TNFAIP6: variants seen among roughly 807,000 people sequenced by gnomAD.
The protein encoded by TNFAIP6 is TNF alpha induced protein 6.
Under a neutral mutation model 33.7 loss-of-function variants are expected in TNFAIP6, and 36 were observed. That is an observed-to-expected ratio of 1.07 (90% CI 0.82 to 1.41). The LOEUF is 1.41. Among genes scored for constraint, TNFAIP6 ranks in the 40% most tolerant of loss-of-function variants. The pLI, the probability that TNFAIP6 is intolerant of heterozygous loss-of-function variation, is 0.00. For synonymous variants in TNFAIP6, 113 were observed against 112.8 expected (o/e 1.00, Z -0.01); for missense variants, 273 against 331.9 (o/e 0.82, Z 1.38).
chr2:151,370,099 C>G lies in TNFAIP6; in HGVS notation c.474C>G (p.Asn158Lys). 6.2e-7 allele frequency: 1 copy of G among 1,613,976 alleles called. No homozygotes were observed. The highest frequency in any genetic ancestry group is 8.5e-7 in the Non-Finnish European group (1 of 1,179,998). ...GCTTCCCAAATGAGTACGAAGATAA[C>G]CAAATCTGCTACTGGCACATTAGAC... is the stretch of plus-strand genomic sequence containing the variant. ...SPGFPNEYED[N>K]QICYWHIRLK... Residue 158 changes from asparagine (N) to lysine (K), a missense_variant, in exon 4 of 6, where the codon AAC (asparagine) becomes AAG (lysine). By Grantham distance (94) the Asn-to-Lys change is moderately conservative. Transcript: ENST00000243347.
downstream of TNFAIP6, among the ~76,000 whole-genome samples, chr2:151,380,641 A>T (rs1193999212): frequency 1.3e-5 from 2 of 152,224 alleles, no homozygotes; most frequent in Admixed American, 1.3e-4. Flanking sequence ...CAGAAAACAA[A>T]AAGCAGACTG....
intron 5 of TNFAIP6, among the ~76,000 whole-genome samples, chr2:151,378,864 G>A (rs1201325105): frequency 2.0e-5 from 3 of 151,832 alleles, no homozygotes; most frequent in African/African-American, 4.8e-5. Context: ...TGGGAAGGCC[G>A]AGGTGCGTGG....
At chr2:151,374,538 A>G (rs1448302732) in intron 5 of TNFAIP6, among the ~76,000 whole-genome samples, 2 of 152,200 alleles carry the variant, frequency 1.3e-5, no homozygotes, top group Non-Finnish European at 2.9e-5. Flanking sequence ...AGATACTACT[A>G]GTTAACTTAC....
At chr2:151,377,547 T>A (rs1684936814) in intron 5 of TNFAIP6, among the ~76,000 whole-genome samples, 1 of 152,156 alleles carries the variant, frequency 6.6e-6, no homozygotes, top group African/African-American at 2.4e-5. Flanking sequence ...ATTTACATTT[T>A]AACCAGCTGA....
intron 5 of TNFAIP6, among the ~76,000 whole-genome samples, chr2:151,374,453 A>G (rs570755176): frequency 1.1e-4 from 17 of 152,308 alleles, no homozygotes; most frequent in Non-Finnish European, 1.6e-4. Flanking sequence ...ATTTTCTCCC[A>G]AGTCATAAAA....
intron 2 of TNFAIP6, 37 bp downstream of exon 2, chr2:151,364,117 C>G (rs1684674109): frequency 1.2e-6 from 2 of 1,602,674 alleles, no homozygotes; most frequent in Non-Finnish European, 8.5e-7. Flanking sequence ...TCTTTTTTAT[C>G]CTTGGAGGAA....
intron 3 of TNFAIP6, among the ~76,000 whole-genome samples, chr2:151,368,135 A>G (rs1195319715): frequency 6.6e-6 from 1 of 151,914 alleles, no homozygotes; most frequent in Non-Finnish European, 1.5e-5. Flanking sequence ...CATACAAACT[A>G]TGTGTTGTAT....
chr2:151,379,129 A>G (rs1272333477), intron 5 of TNFAIP6, among the ~76,000 whole-genome samples: 2 of 152,100 alleles, frequency 1.3e-5, no homozygotes, highest in Non-Finnish European at 2.9e-5. Flanking sequence ...AATACAATAG[A>G]CAAAATTTCC....
At chr2:151,373,238 C>G (rs916461211) in intron 4 of TNFAIP6, among the ~76,000 whole-genome samples, 7 of 152,066 alleles carry the variant, frequency 4.6e-5, no homozygotes, top group African/African-American at 1.7e-4. Context: ...TCGCTTGAAC[C>G]CAGGAGGAAG....
intron 5 of TNFAIP6, among the ~76,000 whole-genome samples, chr2:151,375,875 G>A (rs1353404762): frequency 6.6e-6 from 1 of 152,222 alleles, no homozygotes; most frequent in African/African-American, 2.4e-5. Context: ...CACTTTGGGA[G>A]GCCAAGGTGA....
chr2:151,372,987 G>T (rs923678716), intron 4 of TNFAIP6, among the ~76,000 whole-genome samples: 2 of 152,032 alleles, frequency 1.3e-5, no homozygotes, highest in African/African-American at 4.8e-5. Context: ...AAATTTTCTA[G>T]TTACACAAAG....
intron 5 of TNFAIP6, among the ~76,000 whole-genome samples, chr2:151,377,128 C>A (rs553033177): frequency 2.0e-5 from 3 of 151,718 alleles, no homozygotes; most frequent in African/African-American, 7.3e-5. Context: ...CATAAACCAC[C>A]TTGCCTGGCT....
chr2:151,375,595 C>A (rs774806708), intron 5 of TNFAIP6, among the ~76,000 whole-genome samples: 2 of 152,016 alleles, frequency 1.3e-5, no homozygotes, highest in African/African-American at 4.8e-5. Flanking sequence ...GTAGTCCCAG[C>A]CACTTGGGAG....
intron 2 of TNFAIP6, among the ~76,000 whole-genome samples, chr2:151,365,031 G>A (rs1040931202): frequency 6.6e-6 from 1 of 152,144 alleles, no homozygotes; most frequent in African/African-American, 2.4e-5. Context: ...AAATGTATGA[G>A]AGAATTTATC....
intron 2 of TNFAIP6, among the ~76,000 whole-genome samples, chr2:151,365,230 C>G (rs1237206158): frequency 2.0e-5 from 3 of 152,100 alleles, no homozygotes; most frequent in African/African-American, 7.2e-5. Flanking sequence ...GTGGTCACAG[C>G]TACTCTAAAG....
At chr2:151,373,686 T>G (rs1239384178) in intron 5 of TNFAIP6, 97 bp downstream of exon 5, 3 of 632,850 alleles carry the variant, frequency 4.7e-6, no homozygotes, top group Non-Finnish European at 5.0e-6. Flanking sequence ...GTAGTTATTA[T>G]TCACTTTTTA....
Position 151,379,509 on chromosome 2 carries a change from A to G in TNFAIP6, c.810A>G (p.Leu270=). ...STTSTGNKNF[L]AGRFSHL Reference sequence around the variant, plus strand: ...CTTCTACTGGAAATAAAAACTTTTTAGCTGGAAGATTTAGCCACTTATAAA... The same window carrying G: ...CTTCTACTGGAAATAAAAACTTTTTGGCTGGAAGATTTAGCCACTTATAAA... Residue 270 remains leucine (L), a synonymous_variant, in exon 6 of 6, where the codon TTA becomes TTG. Coordinates refer to ENST00000243347, the MANE Select transcript of TNFAIP6 (RefSeq NM_007115.4). 1 of 1,569,506 alleles carries G rather than the reference A, an allele frequency of 6.4e-7. No homozygotes were observed. The highest frequency in any genetic ancestry group is 1.2e-5 in the South Asian group (1 of 83,440).
At chr2:151,375,148 T>C (rs928761617) in intron 5 of TNFAIP6, among the ~76,000 whole-genome samples, 2 of 128,482 alleles carry the variant, frequency 1.6e-5, no homozygotes, top group African/African-American at 2.7e-5. Flanking sequence ...AAAAAAAAAG[T>C]CTGAAATTTT....
intron 1 of TNFAIP6, among the ~76,000 whole-genome samples, chr2:151,358,566 A>G (rs1684573350): frequency 6.6e-6 from 1 of 151,570 alleles, no homozygotes; most frequent in Admixed American, 6.6e-5. Flanking sequence ...GTTTAATAGT[A>G]AAAAAAAATT....
Sources: allele counts gnomAD v4.1 joint callset (sites outside exome capture counted in the v4.1 genomes callset), GRCh38; gene constraint gnomAD v4.1.1; transcripts MANE v1.5; gene names NCBI Gene and HGNC (gene_info 2026-07-23, HGNC 2026-07-21).